SV2C: variants seen among roughly 807,000 people sequenced by gnomAD.
SV2C encodes the protein solute carrier family 22 member B3.
SV2C carries 49 observed loss-of-function variants against 79.7 expected under a neutral mutation model. The observed-to-expected ratio is 0.61, with a 90% CI of 0.49 to 0.78. SV2C has a LOEUF of 0.78. SV2C is among the 30% of genes least tolerant of loss of function. The pLI, the probability that SV2C is intolerant of heterozygous loss-of-function variation, is 0.00. For synonymous variants in SV2C, 334 were observed against 333.2 expected (o/e 1.00, Z -0.03); for missense variants, 833 against 912.9 (o/e 0.91, Z 1.13).
chr5:75,882,820 A>C, the SV2C span, among the ~76,000 whole-genome samples: 3 of 152,018 alleles, frequency 2.0e-5, no homozygotes, highest in Admixed American at 2.0e-4. Context: ...CAATGGCAAC[A>C]AAAGCCAAAA....
the SV2C span, among the ~76,000 whole-genome samples, chr5:75,959,005 C>T: frequency 2.0e-5 from 3 of 151,932 alleles, no homozygotes; most frequent in African/African-American, 7.2e-5. Flanking sequence ...TATTTTAAGA[C>T]CTCATGCTAA....
At chr5:76,006,687 G>A in the SV2C span, among the ~76,000 whole-genome samples, 2 of 152,080 alleles carry the variant, frequency 1.3e-5, no homozygotes, top group Non-Finnish European at 2.9e-5. Flanking sequence ...GCCTAAATCA[G>A]CATTTGGTCC....
At chr5:76,115,724 T>C (rs1041107823) in intron 1 of SV2C, among the ~76,000 whole-genome samples, 3 of 152,188 alleles carry the variant, frequency 2.0e-5, no homozygotes, top group Non-Finnish European at 2.9e-5. Context: ...GAACTTCTTG[T>C]TTTTTGCTCC....
chr5:75,851,806 C>T, the SV2C span, among the ~76,000 whole-genome samples: 2 of 152,322 alleles, frequency 1.3e-5, no homozygotes, highest in South Asian at 2.1e-4. Flanking sequence ...CATGGCGCCA[C>T]GCCAGGCTAA....
At chr5:76,283,108 A>C (rs1043512972) in intron 4 of SV2C, among the ~76,000 whole-genome samples, 1 of 151,814 alleles carries the variant, frequency 6.6e-6, no homozygotes, top group Non-Finnish European at 1.5e-5. Flanking sequence ...AGATCAGGAG[A>C]TCGAGACCAT....
intron 2 of SV2C, among the ~76,000 whole-genome samples, chr5:76,185,675 A>C (rs1200680269): frequency 6.6e-6 from 1 of 152,252 alleles, no homozygotes; most frequent in Non-Finnish European, 1.5e-5. Context: ...GATTCAGGGC[A>C]CCATGTTCCA....
chr5:76,014,490 G>T, the SV2C span, among the ~76,000 whole-genome samples: 1 of 152,194 alleles, frequency 6.6e-6, no homozygotes, highest in African/African-American at 2.4e-5. Context: ...AGAAATTTCA[G>T]ATCTCTGTGA....
the SV2C span, among the ~76,000 whole-genome samples, chr5:75,973,084 C>G: frequency 6.6e-6 from 1 of 151,884 alleles, no homozygotes; most frequent in Non-Finnish European, 1.5e-5. Context: ...GGACAAAAAA[C>G]CAAACACTAC....
At chr5:76,211,514 G>T (rs1197036459) in intron 4 of SV2C, among the ~76,000 whole-genome samples, 1 of 151,798 alleles carries the variant, frequency 6.6e-6, no homozygotes, top group African/African-American at 2.4e-5. Context: ...GCACACACAC[G>T]TGCACATGTG....
intron 3 of SV2C, among the ~76,000 whole-genome samples, chr5:76,206,421 G>A (rs1744610529): frequency 6.6e-6 from 1 of 152,210 alleles, no homozygotes; most frequent in Non-Finnish European, 1.5e-5. Context: ...AGGTCATTTG[G>A]TCAAGGGGTG....
chr5:76,021,940 G>A, the SV2C span, among the ~76,000 whole-genome samples: 101 of 152,234 alleles, frequency 6.6e-4, no homozygotes, highest in African/African-American at 2.3e-3. Flanking sequence ...TTAATGTTGT[G>A]TTGTGTCTTC....
chr5:75,859,859 GA>G, the SV2C span, among the ~76,000 whole-genome samples: 13 of 151,502 alleles, frequency 8.6e-5, no homozygotes, highest in African/African-American at 1.2e-4. Flanking sequence ...CTTATTGAAT[GA>G]CTTACTAGCT....
At chr5:75,920,152 G>A in the SV2C span, among the ~76,000 whole-genome samples, 3 of 152,340 alleles carry the variant, frequency 2.0e-5, no homozygotes, top group Admixed American at 2.0e-4. Context: ...GGGGCTAAGG[G>A]CACAGAAGGC....
the SV2C span, among the ~76,000 whole-genome samples, chr5:75,938,026 C>G: frequency 1.3e-5 from 2 of 152,080 alleles, no homozygotes; most frequent in Non-Finnish European, 2.9e-5. Flanking sequence ...GTTTTGCTGT[C>G]TGTGTGTGAA....
rs1748893594 is a variant in SV2C, at chr5:76,131,634, A to G, written c.-101-16A>G. ...GAAAGGAATAATAAGTATCTCCTCT[A>G]TTTCTTCTTTCGCAGTTCTGTTTTG... On this transcript the variant is annotated splice_polypyrimidine_tract_variant and intron_variant, in intron 1 of 12. Coordinates refer to ENST00000502798, the MANE Select transcript of SV2C (RefSeq NM_014979.4). The G allele has an allele frequency of 1.1e-5, 8 of 704,614 alleles. No individual in the cohort carries two copies. Among genetic ancestry groups the G allele is most frequent in the Non-Finnish European group, 1.6e-5 (7 of 442,196 alleles). The allele number at this position is 704,614 out of a possible 1,614,324, so 43.6% of individuals were successfully genotyped here.
the SV2C span, among the ~76,000 whole-genome samples, chr5:75,878,872 G>A: frequency 8.6e-3 from 1,316 of 152,222 alleles, 11 homozygotes; most frequent in Middle Eastern, 0.024. Context: ...GGTTTATTTG[G>A]CTCATGGTTC....
the SV2C span, among the ~76,000 whole-genome samples, chr5:76,063,371 C>G: frequency 6.6e-6 from 1 of 152,094 alleles, no homozygotes. Flanking sequence ...CTTGTGAAGG[C>G]TTCACTTGAG....
At chr5:76,174,085 A>T in intron 2 of SV2C, 1 of 1,577,436 alleles carries the variant, frequency 6.3e-7, no homozygotes. Flanking sequence ...CTATCGTAGG[A>T]TCGTATTTTT....
chr5:75,896,462 A>G, the SV2C span, among the ~76,000 whole-genome samples: 6 of 97,578 alleles, frequency 6.1e-5, no homozygotes, highest in East Asian at 6.3e-4. Flanking sequence ...CCAGTCTATC[A>G]TTGTTGGACA....
Sources: allele counts gnomAD v4.1 joint callset (sites outside exome capture counted in the v4.1 genomes callset), GRCh38; gene constraint gnomAD v4.1.1; transcripts MANE v1.5; gene names NCBI Gene and HGNC (gene_info 2026-07-23, HGNC 2026-07-21).